HS6ST3: variants seen among roughly 807,000 people sequenced by gnomAD.
The protein encoded by HS6ST3 is heparan-sulfate 6-O-sulfotransferase 3.
A neutral mutation model predicts 36.7 loss-of-function variants in HS6ST3; 12 were observed. That is an observed-to-expected ratio of 0.33 (90% confidence interval 0.21 to 0.53). HS6ST3 has a LOEUF of 0.53. Ranked by LOEUF, HS6ST3 falls within the 20% of genes least tolerant of loss-of-function variation. The pLI is 0.95. For missense variants in HS6ST3, 584 were observed against 640.9 expected, an observed-to-expected ratio of 0.91 and a Z score of 0.96; for synonymous variants, 240 against 257.5, an observed-to-expected ratio of 0.93 and a Z score of 0.65.
At chr13:96,469,219 G>A (rs966547242) in intron 1 of HS6ST3, among the ~76,000 whole-genome samples, 4 of 151,918 alleles carry the variant, frequency 2.6e-5, no homozygotes, top group Admixed American at 6.6e-5. Flanking sequence ...TGGTCTTGCC[G>A]GTGCACCTTA....
intron 1 of HS6ST3, among the ~76,000 whole-genome samples, chr13:96,742,734 CTTATTT>C (rs1876473240): frequency 1.3e-5 from 2 of 151,972 alleles, no homozygotes; most frequent in Non-Finnish European, 2.9e-5. Context: ...AAAATAGAGT[CTTATTT>C]TTATGATTAG....
At chr13:96,147,033 C>T (rs1486318458) in intron 1 of HS6ST3, among the ~76,000 whole-genome samples, 1 of 152,162 alleles carries the variant, frequency 6.6e-6, no homozygotes, top group African/African-American at 2.4e-5. Context: ...GAAAAGTCAG[C>T]AAAGTGATTA....
At chr13:96,787,408 C>G (rs1158786835) in intron 1 of HS6ST3, among the ~76,000 whole-genome samples, 1 of 151,930 alleles carries the variant, frequency 6.6e-6, no homozygotes, top group African/African-American at 2.4e-5. Context: ...TTGTCATTAT[C>G]TTTTATGCAT....
intron 1 of HS6ST3, among the ~76,000 whole-genome samples, chr13:96,193,457 CTT>C (rs1413108643): frequency 2.0e-5 from 3 of 152,058 alleles, no homozygotes; most frequent in Non-Finnish European, 4.4e-5. Flanking sequence ...GTGAAGGGAA[CTT>C]TGGTATAAGC....
chr13:96,218,908 G>A (rs1404451645), intron 1 of HS6ST3, among the ~76,000 whole-genome samples: 1 of 152,174 alleles, frequency 6.6e-6, no homozygotes, highest in Non-Finnish European at 1.5e-5. Flanking sequence ...GAAGTTTTCA[G>A]TTAAGAACCT....
chr13:96,685,897 A>G (rs1207339449), intron 1 of HS6ST3, among the ~76,000 whole-genome samples: 2 of 152,074 alleles, frequency 1.3e-5, no homozygotes, highest in Admixed American at 1.3e-4. Flanking sequence ...AGTAATTCAG[A>G]GAATGAGATG....
At chr13:96,732,518 T>A (rs1276025072) in intron 1 of HS6ST3, among the ~76,000 whole-genome samples, 3 of 152,230 alleles carry the variant, frequency 2.0e-5, no homozygotes, top group African/African-American at 7.2e-5. Flanking sequence ...TGTCTTTTTT[T>A]AATGACAGTA....
intron 1 of HS6ST3, among the ~76,000 whole-genome samples, chr13:96,236,952 G>T (rs555477990): frequency 2.0e-4 from 30 of 152,290 alleles, no homozygotes; most frequent in African/African-American, 7.0e-4. Flanking sequence ...ACAGTTCCAT[G>T]TGGCTGGGGA....
chr13:96,117,186 A>G (rs927427588), intron 1 of HS6ST3, among the ~76,000 whole-genome samples: 1 of 152,092 alleles, frequency 6.6e-6, no homozygotes, highest in Non-Finnish European at 1.5e-5. Flanking sequence ...AGTTATTTTG[A>G]ATGGAGTCCT....
intron 1 of HS6ST3, among the ~76,000 whole-genome samples, chr13:96,658,002 G>T (rs1461639991): frequency 6.6e-6 from 1 of 152,060 alleles, no homozygotes; most frequent in Non-Finnish European, 1.5e-5. Context: ...AACAATTCTG[G>T]CATTCCAGAA....
At chr13:96,387,020 C>T (rs542950650) in intron 1 of HS6ST3, among the ~76,000 whole-genome samples, 16 of 152,188 alleles carry the variant, frequency 1.1e-4, no homozygotes, top group African/African-American at 3.9e-4. Context: ...CCTTGACCTC[C>T]CAGGCTCAGG....
At chr13:96,486,477 C>T (rs1381221329) in intron 1 of HS6ST3, among the ~76,000 whole-genome samples, 2 of 152,172 alleles carry the variant, frequency 1.3e-5, no homozygotes, top group Non-Finnish European at 2.9e-5. Flanking sequence ...TTTACAGTCC[C>T]ACCAACAGTG....
chr13:96,520,115 A>G (rs948025861), intron 1 of HS6ST3, among the ~76,000 whole-genome samples: 1 of 152,224 alleles, frequency 6.6e-6, no homozygotes, highest in African/African-American at 2.4e-5. Flanking sequence ...TTAAACAGGG[A>G]ATCTTTTCCC....
Position 96,219,011 on chromosome 13 carries a change from G to T in HS6ST3, c.707+127442G>T, listed in dbSNP as rs147301266. Among the ~76,000 whole-genome samples the T allele has an allele frequency of 1.7e-3, 253 of 152,146 alleles. 1 individual carries two copies. The highest frequency in any genetic ancestry group is 1.1e-3 in the Non-Finnish European group (75 of 68,014). ...TCCTAAGCCATCCCCTGACAGGGCC[G>T]CATCTTTTCACACGAAGTTGCCCTT... On this transcript the variant is annotated intron_variant, in intron 1 of 1. Coordinates refer to ENST00000376705, the MANE Select transcript of HS6ST3 (RefSeq NM_153456.4).
intron 1 of HS6ST3, among the ~76,000 whole-genome samples, chr13:96,132,604 C>T (rs1021806368): frequency 2.0e-5 from 3 of 152,050 alleles, no homozygotes; most frequent in African/African-American, 7.2e-5. Flanking sequence ...TGGGGTCCCA[C>T]TATGTTGCCC....
intron 1 of HS6ST3, among the ~76,000 whole-genome samples, chr13:96,346,127 C>A (rs1165220065): frequency 1.3e-5 from 2 of 152,150 alleles, no homozygotes; most frequent in Non-Finnish European, 2.9e-5. Context: ...GCTGTGCAGC[C>A]CAGTCCCTAA....
At chr13:96,545,477 TTGA>T (rs1429489176) in intron 1 of HS6ST3, among the ~76,000 whole-genome samples, 2 of 152,190 alleles carry the variant, frequency 1.3e-5, no homozygotes, top group Non-Finnish European at 2.9e-5. Context: ...GAAGCCCACC[TTGA>T]TGATCATGGG....
chr13:96,260,068 T>C (rs1408796761), intron 1 of HS6ST3, among the ~76,000 whole-genome samples: 1 of 152,206 alleles, frequency 6.6e-6, no homozygotes, highest in Non-Finnish European at 1.5e-5. Flanking sequence ...ATGTATCTTC[T>C]TTTGTTGCTA....
chr13:96,208,014 A>G (rs2054380544), intron 1 of HS6ST3, among the ~76,000 whole-genome samples: 1 of 152,220 alleles, frequency 6.6e-6, no homozygotes, highest in African/African-American at 2.4e-5. Context: ...AAATACACAT[A>G]TATTGGTAAA....
Sources: allele counts gnomAD v4.1 joint callset (sites outside exome capture counted in the v4.1 genomes callset), GRCh38; gene constraint gnomAD v4.1.1; transcripts MANE v1.5; gene names NCBI Gene and HGNC (gene_info 2026-07-23, HGNC 2026-07-21).